PCDHA10: variants seen among roughly 807,000 people sequenced by gnomAD.
PCDHA10 encodes protocadherin alpha 10.
PCDHA10 carries 45 observed loss-of-function variants against 61.2 expected under a neutral mutation model. That is an observed-to-expected ratio of 0.74 (90% CI 0.58 to 0.94). The LOEUF (loss-of-function observed/expected upper bound fraction) is 0.94. Ranked by LOEUF, PCDHA10 falls within the 40% of genes least tolerant of loss-of-function variation. The pLI, the probability that PCDHA10 is intolerant of heterozygous loss-of-function variation, is 0.00. For synonymous variants in PCDHA10, 602 were observed against 548.8 expected, an observed-to-expected ratio of 1.10 and a Z score of -1.35; for missense variants, 1,278 against 1,236.2, an observed-to-expected ratio of 1.03 and a Z score of -0.51.
intron 1 of PCDHA10, among the ~76,000 whole-genome samples, chr5:140,898,262 C>G (rs2066619852): frequency 6.6e-6 from 1 of 152,130 alleles, no homozygotes; most frequent in Admixed American, 6.5e-5. Context: ...GAAGTCCTTG[C>G]CCATGCCTAA....
At chr5:140,941,221 T>TTCTTTCTTTCTTTCTTTCTC (rs1563186510) in intron 1 of PCDHA10, among the ~76,000 whole-genome samples, 1 of 131,536 alleles carries the variant, frequency 7.6e-6, no homozygotes, top group Admixed American at 7.9e-5. Context: ...CTTCCTTTCT[T>TTCTTTCTTTCTTTCTTTCTC]TCTTTCTTTC....
chr5:140,905,643 A>G (rs532700036), intron 1 of PCDHA10, among the ~76,000 whole-genome samples: 1 of 152,306 alleles, frequency 6.6e-6, no homozygotes, highest in Non-Finnish European at 1.5e-5. Context: ...TCAGTTTCAC[A>G]GTATTGATTC....
intron 1 of PCDHA10, among the ~76,000 whole-genome samples, chr5:140,907,970 A>G (rs1312755290): frequency 6.6e-6 from 1 of 152,158 alleles, no homozygotes; most frequent in African/African-American, 2.4e-5. Context: ...CAATTTTCCA[A>G]TCATGCTTCT....
intron 1 of PCDHA10, chr5:140,861,573 G>T: frequency 2.7e-6 from 1 of 368,992 alleles, no homozygotes. Context: ...GCTGCTACAG[G>T]TTTTCCATGT....
At position 140,968,115 on chromosome 5, in the gene PCDHA10, C is replaced by T. The variant is rs199565711; in HGVS notation, c.2389-10834C>T. On this transcript the variant is annotated intron_variant, in intron 1 of 3. Coordinates refer to ENST00000307360, the MANE Select transcript of PCDHA10 (RefSeq NM_018901.4). ...ACAGATGGGGGAATACCGCAGCTCACATCCCTGCGTACACTGAAGGTTGAG... is the reference window on the plus strand; with the variant it reads ...ACAGATGGGGGAATACCGCAGCTCATATCCCTGCGTACACTGAAGGTTGAG... 8.7e-6 allele frequency: 14 copies of T among 1,614,068 alleles called. No individual in the cohort carries two copies. In the Admixed American group the frequency reaches 1.2e-4, roughly 13 times the overall value.
At chr5:140,956,754 C>T (rs1470553559) in intron 1 of PCDHA10, among the ~76,000 whole-genome samples, 5 of 152,140 alleles carry the variant, frequency 3.3e-5, no homozygotes, top group African/African-American at 1.2e-4. Flanking sequence ...TGATAGAATT[C>T]AGCTGTAAAT....
In PCDHA10 at chr5:140,857,813, G is replaced by A. The variant is rs17844346; in HGVS notation, c.1765G>A (p.Val589Met). Residue 589 changes from valine to methionine, a missense_variant, in exon 1 of 4, where the codon GTG becomes ATG. By Grantham distance (21) the Val-to-Met change is conservative. Transcript: ENST00000307360. ...LVLRSVVAGH[V>M]VAKVRAVDAD... ...GCTGCGGTCGGTGGTTGCGGGTCAC[G>A]TGGTGGCTAAGGTGCGCGCAGTGGA... 6.3e-7 allele frequency: 1 copy of A among 1,597,700 alleles called. No individual in the cohort carries two copies. The highest frequency in any genetic ancestry group is 1.3e-5 in the African/African-American group (1 of 74,272).
intron 1 of PCDHA10, among the ~76,000 whole-genome samples, chr5:140,909,874 T>G (rs778631778): frequency 2.6e-4 from 39 of 152,184 alleles, no homozygotes; most frequent in Admixed American, 5.2e-4. Context: ...CAACGTCAGC[T>G]TAGAGACACT....
intron 1 of PCDHA10, among the ~76,000 whole-genome samples, chr5:140,888,523 T>C (rs1316582829): frequency 6.6e-6 from 1 of 152,244 alleles, no homozygotes; most frequent in African/African-American, 2.4e-5. Flanking sequence ...AGTTCTGACG[T>C]GAAGTTAAGT....
chr5:140,966,923 G>A (rs781929029), intron 1 of PCDHA10: 36 of 1,602,826 alleles, frequency 2.2e-5, no homozygotes, highest in Non-Finnish European at 3.0e-5. Context: ...AGAGGAGCAG[G>A]CACCCGGCGC....
At chr5:140,973,414 C>G (rs992904408) in intron 1 of PCDHA10, among the ~76,000 whole-genome samples, 1 of 152,204 alleles carries the variant, frequency 6.6e-6, no homozygotes, top group Non-Finnish European at 1.5e-5. Flanking sequence ...GCTTCCACTC[C>G]AGTTTTTCAT....
intron 3 of PCDHA10, among the ~76,000 whole-genome samples, chr5:141,000,387 C>G (rs868946328): frequency 1.5e-5 from 1 of 66,898 alleles, no homozygotes. Context: ...CTCTCTCTCT[C>G]TCTCTCTCTA....
chr5:140,865,572 A>T (rs2048923193), intron 1 of PCDHA10: 1 of 152,224 alleles, frequency 6.6e-6, no homozygotes, highest in African/African-American at 2.4e-5. Context: ...TCAGTAACTC[A>T]TGATAATAAA....
chr5:140,892,779 A>G (rs1490865049), intron 1 of PCDHA10, among the ~76,000 whole-genome samples: 1 of 152,192 alleles, frequency 6.6e-6, no homozygotes, highest in Non-Finnish European at 1.5e-5. Flanking sequence ...TAGCTTCTTG[A>G]AAATATGTAA....
intron 1 of PCDHA10, chr5:140,876,444 T>A (rs1554168564): frequency 6.2e-7 from 1 of 1,613,996 alleles, no homozygotes; most frequent in Non-Finnish European, 8.5e-7. Context: ...ACGCCATTGA[T>A]AAAGGGATTC....
intron 1 of PCDHA10, chr5:140,862,360 G>C (rs920511235): frequency 6.0e-6 from 2 of 334,746 alleles, no homozygotes; most frequent in Non-Finnish European, 1.2e-5. Flanking sequence ...AGGGACAGAC[G>C]ACCCGCACCC....
chr5:140,966,786 G>A (rs1554228650), intron 1 of PCDHA10: 2 of 1,526,000 alleles, frequency 1.3e-6, no homozygotes, highest in Admixed American at 1.9e-5. Context: ...GCGGGCACCA[G>A]ACCTGCGGCG....
At chr5:140,873,963 T>G (rs1048862313) in intron 1 of PCDHA10, among the ~76,000 whole-genome samples, 2 of 152,206 alleles carry the variant, frequency 1.3e-5, no homozygotes, top group East Asian at 3.8e-4. Flanking sequence ...GCCCAGCCTA[T>G]TTTTTAAAAT....
intron 1 of PCDHA10, chr5:140,929,617 A>C: frequency 2.5e-6 from 1 of 401,992 alleles, no homozygotes; most frequent in Non-Finnish European, 4.5e-6. Context: ...AAATACCAAA[A>C]TATTTTATAA....
Sources: allele counts gnomAD v4.1 joint callset (sites outside exome capture counted in the v4.1 genomes callset), GRCh38; gene constraint gnomAD v4.1.1; transcripts MANE v1.5; gene names NCBI Gene and HGNC (gene_info 2026-07-23, HGNC 2026-07-21).